The following PDE1A variants were observed in gnomAD, a reference collection of about 807,000 sequenced individuals.
PDE1A encodes dual specificity calcium/calmodulin-dependent 3',5'-cyclic nucleotide phosphodiesterase 1A.
A neutral mutation model predicts 61.7 loss-of-function variants in PDE1A; 35 were observed. The observed-to-expected ratio is 0.57, with a 90% CI of 0.43 to 0.75. PDE1A has a LOEUF of 0.75. Among genes scored for constraint, PDE1A ranks in the 30% least tolerant of loss-of-function variants. The pLI is 0.00. For missense variants in PDE1A, 597 were observed against 630.6 expected (o/e 0.95, Z 0.57); for synonymous variants, 232 against 213.2 (o/e 1.09, Z -0.77).
the PDE1A span, among the ~76,000 whole-genome samples, chr2:182,625,644 C>T: frequency 6.6e-6 from 1 of 152,136 alleles, no homozygotes; most frequent in South Asian, 2.1e-4. Context: ...AATTTCCTTT[C>T]AGGTTTCATG....
chr2:182,662,356 A>C, the PDE1A span, among the ~76,000 whole-genome samples: 2 of 151,636 alleles, frequency 1.3e-5, no homozygotes, highest in Non-Finnish European at 2.9e-5. Flanking sequence ...AAAAAACAAA[A>C]AAAAACTTTT....
intron 8 of PDE1A, among the ~76,000 whole-genome samples, chr2:182,204,848 A>G (rs1686965839): frequency 6.6e-6 from 1 of 152,192 alleles, no homozygotes. Flanking sequence ...TGTCTCCAAA[A>G]GAAAGTTCCA....
chr2:182,264,878 C>CATATATATACATATATATATATAT (rs1553560270), intron 1 of PDE1A, among the ~76,000 whole-genome samples: 1 of 106,878 alleles, frequency 9.4e-6, no homozygotes. Flanking sequence ...TATATATATA[C>CATATATATACATATATATATATAT]ATATATATAT....
At chr2:182,180,031 T>G (rs1684618254) in intron 13 of PDE1A, among the ~76,000 whole-genome samples, 1 of 152,168 alleles carries the variant, frequency 6.6e-6, no homozygotes, top group Non-Finnish European at 1.5e-5. Context: ...TCATATGACC[T>G]GCTTATTTTA....
At chr2:182,449,483 C>A (rs1193695762) in intron 2 of PDE1A, among the ~76,000 whole-genome samples, 1 of 151,964 alleles carries the variant, frequency 6.6e-6, no homozygotes, top group African/African-American at 2.4e-5. Context: ...CACCTCATTA[C>A]CTCTTCCTAT....
At chr2:182,607,913 C>T in the PDE1A span, among the ~76,000 whole-genome samples, 1 of 152,188 alleles carries the variant, frequency 6.6e-6, no homozygotes, top group Non-Finnish European at 1.5e-5. Flanking sequence ...TCCATGGGGA[C>T]TAACAAGACC....
intron 2 of PDE1A, among the ~76,000 whole-genome samples, chr2:182,255,289 T>C (rs1691691360): frequency 6.6e-6 from 1 of 152,232 alleles, no homozygotes; most frequent in South Asian, 2.1e-4. Context: ...TTCCTATCAC[T>C]TACAATTGAA....
chr2:182,658,568 T>C, the PDE1A span, among the ~76,000 whole-genome samples: 5 of 152,216 alleles, frequency 3.3e-5, no homozygotes, highest in Admixed American at 6.5e-5. Flanking sequence ...ATCGTGATTC[T>C]ATAATGACAT....
intron 1 of PDE1A, among the ~76,000 whole-genome samples, chr2:182,312,710 C>G (rs568921110): frequency 6.6e-6 from 1 of 152,166 alleles, no homozygotes; most frequent in African/African-American, 2.4e-5. Flanking sequence ...AGCTTTTAAT[C>G]AATCTTGAAA....
At chr2:182,395,139 C>G (rs1021726205) in intron 1 of PDE1A, among the ~76,000 whole-genome samples, 1 of 152,248 alleles carries the variant, frequency 6.6e-6, no homozygotes, top group Non-Finnish European at 1.5e-5. Context: ...AGCCATTGAT[C>G]TGGCAAATGC....
intron 2 of PDE1A, among the ~76,000 whole-genome samples, chr2:182,499,511 A>C (rs1226741497): frequency 6.6e-6 from 1 of 152,198 alleles, no homozygotes; most frequent in Non-Finnish European, 1.5e-5. Context: ...GGCATGGGCC[A>C]CTGCACCCGG....
chr2:182,267,710 C>T (rs2125803435), intron 1 of PDE1A, among the ~76,000 whole-genome samples: 1 of 152,058 alleles, frequency 6.6e-6, no homozygotes, highest in Admixed American at 6.6e-5. Context: ...ATCCTAATTG[C>T]AAATATGCTT....
intron 1 of PDE1A, among the ~76,000 whole-genome samples, chr2:182,383,343 T>C (rs747433480): frequency 2.6e-5 from 4 of 152,198 alleles, no homozygotes; most frequent in Non-Finnish European, 4.4e-5. Flanking sequence ...TTCCATCATC[T>C]CAAATATCAT....
chr2:182,462,228 A>T (rs902437284), intron 2 of PDE1A, among the ~76,000 whole-genome samples: 1 of 152,046 alleles, frequency 6.6e-6, no homozygotes, highest in Non-Finnish European at 1.5e-5. Context: ...TGGGTGCAGC[A>T]CACCAACATG....
intron 1 of PDE1A, among the ~76,000 whole-genome samples, chr2:182,314,867 G>T (rs1696236053): frequency 1.3e-5 from 2 of 152,042 alleles, no homozygotes; most frequent in Non-Finnish European, 2.9e-5. Context: ...ACCGTTTTTA[G>T]AAAAAGAAAC....
chr2:182,266,534 T>C (rs1204312801), intron 1 of PDE1A, among the ~76,000 whole-genome samples: 1 of 152,194 alleles, frequency 6.6e-6, no homozygotes, highest in Non-Finnish European at 1.5e-5. Context: ...AAAACAATAG[T>C]ACTTCAAAGG....
At chr2:182,631,470 G>C in the PDE1A span, among the ~76,000 whole-genome samples, 2 of 152,088 alleles carry the variant, frequency 1.3e-5, no homozygotes, top group Non-Finnish European at 1.5e-5. Flanking sequence ...GCCACATTAG[G>C]GAAAGCCATC....
At chr2:182,598,007 A>T in the PDE1A span, among the ~76,000 whole-genome samples, 1 of 152,210 alleles carries the variant, frequency 6.6e-6, no homozygotes, top group Non-Finnish European at 1.5e-5. Context: ...AGAAATGTGA[A>T]ATTTAAGCGA....
At chr2:182,691,833 GA>G in the PDE1A span, among the ~76,000 whole-genome samples, 15 of 145,330 alleles carry the variant, frequency 1.0e-4, no homozygotes, top group African/African-American at 2.0e-4. Flanking sequence ...CAAATTACAA[GA>G]AAAAAAAAAC....
Sources: gnomAD v4.1 joint callset for allele counts (sites outside exome capture counted in the v4.1 genomes callset) on GRCh38, gnomAD v4.1.1 for gene constraint, MANE v1.5 for transcripts, NCBI Gene and HGNC (gene_info 2026-07-23, HGNC 2026-07-21) for gene names.